The following GLP2R variants were observed in gnomAD, a reference collection of about 807,000 sequenced individuals.
GLP2R encodes glucagon-like peptide 2 receptor.
Under a neutral mutation model 68.2 loss-of-function variants are expected in GLP2R, and 59 were observed. The ratio of observed to expected loss-of-function variants is 0.87; its 90% CI spans 0.70 to 1.07. The LOEUF (loss-of-function observed/expected upper bound fraction) is 1.07. Among genes scored for constraint, GLP2R ranks in the 50% least tolerant of loss-of-function variants. GLP2R has a pLI of 0.00. For missense variants in GLP2R, 548 were observed against 677.4 expected (o/e 0.81, Z 2.12); for synonymous variants, 270 against 265.4 (o/e 1.02, Z -0.17).
chr17:9,836,586 A>T, intron 3 of GLP2R, 111 bp downstream of exon 3: 1 of 650,714 alleles, frequency 1.5e-6, no homozygotes, highest in Non-Finnish European at 2.8e-6. Context: ...TCCTTCTGTA[A>T]TTTTTCTATT....
At chr17:9,833,450 A>C (rs939645576) in intron 1 of GLP2R, among the ~76,000 whole-genome samples, 1 of 152,200 alleles carries the variant, frequency 6.6e-6, no homozygotes, top group African/African-American at 2.4e-5. Flanking sequence ...GTTGCGTCTT[A>C]GTGTGATGCG....
At chr17:9,848,549 C>T (rs1254528502) in intron 4 of GLP2R, among the ~76,000 whole-genome samples, 1 of 152,034 alleles carries the variant, frequency 6.6e-6, no homozygotes, top group African/African-American at 2.4e-5. Context: ...AAATGGGGAG[C>T]GCTAAGCAAG....
intron 9 of GLP2R, among the ~76,000 whole-genome samples, chr17:9,864,492 TTG>T: frequency 3.3e-5 from 3 of 91,920 alleles, no homozygotes; most frequent in African/African-American, 9.6e-5. Context: ...GTTTTTTTGT[TTG>T]TTTGTTTGTT....
At chr17:9,867,911 G>C (rs944976207) in intron 9 of GLP2R, among the ~76,000 whole-genome samples, 5 of 152,114 alleles carry the variant, frequency 3.3e-5, no homozygotes, top group Admixed American at 1.3e-4. Flanking sequence ...GCCCCACCAG[G>C]AACCCAGGGG....
intron 2 of GLP2R, among the ~76,000 whole-genome samples, chr17:9,835,985 G>A (rs894590178): frequency 8.4e-5 from 12 of 142,852 alleles, no homozygotes; most frequent in Admixed American, 6.8e-4. Context: ...GTTGCAGTGA[G>A]CTGAGATCAC....
At position 9,857,476 on chromosome 17, in the gene GLP2R, T is replaced by C. The variant is rs1381414052; in HGVS notation, c.665T>C (p.Ile222Thr). The C allele has an allele frequency of 4.3e-6, 7 of 1,614,194 alleles. No individual in the cohort carries two copies. Among genetic ancestry groups the C allele is most frequent in the Non-Finnish European group, 5.1e-6 (6 of 1,180,018 alleles). The change falls in exon 6 of 13, where the codon ATC (isoleucine) becomes ACC (threonine). Residue 222 changes from isoleucine (I) to threonine (T), a missense_variant. Ile to Thr is a moderately conservative substitution (Grantham distance 89). Coordinates refer to ENST00000262441, the MANE Select transcript of GLP2R (RefSeq NM_004246.3). ...CACATGAACTTGTTTGCTTCTTTCATCCTGAGAACCCTGGCTGTACTGGTG... is the reference window on the plus strand; with the variant it reads ...CACATGAACTTGTTTGCTTCTTTCACCCTGAGAACCCTGGCTGTACTGGTG... ...YIHMNLFASF[I>T]LRTLAVLVKD...
Position 9,889,569 on chromosome 17 carries a change from G to A in GLP2R, c.1526G>A (p.Gly509Asp), listed in dbSNP as rs761862237. Reference protein sequence around the residue: ...SGRLLHLAMRGLGELGAQPQQ... With the variant: ...SGRLLHLAMRDLGELGAQPQQ... The stretch of plus-strand genomic sequence containing the variant: ...CGGCTCCTACATCTAGCCATGCGAG[G>A]TCTTGGGGAGCTGGGCGCCCAGCCC... Residue 509 changes from glycine (G) to aspartate (D), a missense_variant, in exon 13 of 13, where the codon GGT becomes GAT. Transcript: ENST00000262441. The A allele has an allele frequency of 1.2e-6, 2 of 1,614,094 alleles. No homozygotes were observed. The highest frequency in any genetic ancestry group is 1.7e-6 in the Non-Finnish European group (2 of 1,180,034).
chr17:9,872,547 G>C (rs986134494), intron 10 of GLP2R, among the ~76,000 whole-genome samples: 1 of 152,110 alleles, frequency 6.6e-6, no homozygotes, highest in African/African-American at 2.4e-5. Context: ...ATTGTACTCC[G>C]GCCTGGGTGA....
rs560602982 is a variant in GLP2R at position 9,863,132 on chromosome 17, A to C, written c.1056+1042A>C. Among the ~76,000 whole-genome samples, 210 of 97,862 alleles carry C rather than the reference A, an allele frequency of 2.1e-3. 1 individual carries two copies. The highest frequency in any genetic ancestry group is 5.1e-3 in the Non-Finnish European group (168 of 32,778). 64.2% of individuals were successfully genotyped at this position (97,862 alleles called of 152,430 possible). A position where few individuals can be genotyped will look rare whatever the true frequency, so the allele number is the denominator to read the frequency against. On this transcript the variant is annotated intron_variant, in intron 9 of 12. Coordinates refer to ENST00000262441, the MANE Select transcript of GLP2R (RefSeq NM_004246.3). ...CTGGACCTGCAGCTGATAGTGTGCC[A>C]GATGAGGTCTGGGCACACACACCCC... is the stretch of plus-strand genomic sequence containing the variant.
At position 9,890,363 on chromosome 17, in the gene GLP2R, A is replaced by C; in HGVS notation, c.*658A>C. 4.0e-6 allele frequency: 1 copy of C among 250,512 alleles called. No individual in the cohort carries two copies. The highest frequency in any genetic ancestry group is 7.9e-6 in the Non-Finnish European group (1 of 126,766). The allele number at this position is 250,512 out of a possible 1,614,324, so 15.5% of individuals were successfully genotyped here. A position where few individuals can be genotyped will look rare whatever the true frequency, so the allele number is the denominator to read the frequency against. ...GCCTGCCCTCCTTGGAGAGTATGTA[A>C]CTCCACCCACCAGAGTGCCACTCCT... On this transcript the variant is annotated 3_prime_UTR_variant, in exon 13 of 13. Transcript: ENST00000262441.
intron 4 of GLP2R, among the ~76,000 whole-genome samples, chr17:9,847,363 G>A (rs1246277773): frequency 2.6e-5 from 4 of 151,838 alleles, no homozygotes; most frequent in Non-Finnish European, 2.9e-5. Context: ...TCCGCCTTCC[G>A]GTTTCAAGCG....
intron 9 of GLP2R, among the ~76,000 whole-genome samples, chr17:9,863,571 CT>C (rs1176978555): frequency 6.6e-6 from 1 of 152,178 alleles, no homozygotes; most frequent in African/African-American, 2.4e-5. Flanking sequence ...GCTGCAGGCT[CT>C]TTTGCACCTT....
chr17:9,837,383 G>A (rs2066742232), intron 3 of GLP2R, among the ~76,000 whole-genome samples: 1 of 152,158 alleles, frequency 6.6e-6, no homozygotes, highest in African/African-American at 2.4e-5. Context: ...AGCTTCTAGA[G>A]TACAGATCCA....
intron 10 of GLP2R, among the ~76,000 whole-genome samples, chr17:9,874,937 C>T (rs185410941): frequency 6.6e-6 from 1 of 152,206 alleles, no homozygotes; most frequent in African/African-American, 2.4e-5. Context: ...ATCCAGTGTG[C>T]CCTCCACAGA....
At position 9,889,416 on chromosome 17, in the gene GLP2R, G is replaced by GC; in HGVS notation, c.1375dup (p.His459ProfsTer30). On this transcript the variant is annotated frameshift_variant, in exon 13 of 13. Transcript: ENST00000262441. LOFTEE classifies it low-confidence loss of function (END_TRUNC). ...TACTGGGTCCGCTTCTTGCTAGCCC[G>GC]CCACTCAGGCTGCAGAGCCTGTGTC... The GC allele has an allele frequency of 6.2e-7, 1 of 1,614,008 alleles. No individual in the cohort carries two copies. The highest frequency in any genetic ancestry group is 1.3e-5 in the African/African-American group (1 of 75,048).
intron 1 of GLP2R, among the ~76,000 whole-genome samples, chr17:9,827,751 A>T (rs2066645349): frequency 6.6e-6 from 1 of 152,120 alleles, no homozygotes; most frequent in African/African-American, 2.4e-5. Flanking sequence ...TCACAAGGTC[A>T]GGAGTTCAAG....
At chr17:9,864,992 T>C (rs2067021748) in intron 9 of GLP2R, among the ~76,000 whole-genome samples, 1 of 152,216 alleles carries the variant, frequency 6.6e-6, no homozygotes, top group South Asian at 2.1e-4. Context: ...TAAAATGACC[T>C]TTACATGCTG....
intron 4 of GLP2R, among the ~76,000 whole-genome samples, chr17:9,845,976 A>G (rs985303244): frequency 1.2e-4 from 19 of 152,218 alleles, no homozygotes; most frequent in Admixed American, 1.2e-3. Flanking sequence ...ATTACATTTG[A>G]TATGCTTTAG....
intron 4 of GLP2R, among the ~76,000 whole-genome samples, chr17:9,844,665 A>ATTT (rs2066819894): frequency 3.8e-5 from 2 of 52,948 alleles, no homozygotes; most frequent in Non-Finnish European, 8.8e-5. Context: ...TTACTACCTA[A>ATTT]TTCTTTTTTT....
Sources: allele counts gnomAD v4.1 joint callset (sites outside exome capture counted in the v4.1 genomes callset), GRCh38; gene constraint gnomAD v4.1.1; transcripts MANE v1.5; gene names NCBI Gene and HGNC (gene_info 2026-07-23, HGNC 2026-07-21).